PABPC4L: variants seen among roughly 807,000 people sequenced by gnomAD.
PABPC4L encodes the protein polyadenylate-binding protein 4-like.
For missense variants in PABPC4L, 452 were observed against 451.4 expected (o/e 1.00, Z -0.01); for synonymous variants, 169 against 164.1 (o/e 1.03, Z -0.23).
the PABPC4L span, among the ~76,000 whole-genome samples, chr4:133,968,328 A>G: frequency 6.6e-6 from 1 of 152,322 alleles, no homozygotes; most frequent in African/African-American, 2.4e-5. Context: ...ACAGACTGGG[A>G]AAAAACATCC....
At chr4:134,106,515 GATA>G in the PABPC4L span, among the ~76,000 whole-genome samples, 1 of 151,550 alleles carries the variant, frequency 6.6e-6, no homozygotes, top group East Asian at 1.9e-4. Context: ...GGAACAAAAA[GATA>G]ATGATATAAT....
chr4:134,052,629 A>T, the PABPC4L span, among the ~76,000 whole-genome samples: 2 of 152,002 alleles, frequency 1.3e-5, no homozygotes, highest in Non-Finnish European at 2.9e-5. Flanking sequence ...AAATATAGTA[A>T]AATGTGACCA....
chr4:134,107,414 T>G, the PABPC4L span, among the ~76,000 whole-genome samples: 37,358 of 151,396 alleles, frequency 0.25, 4,933 homozygotes, highest in Admixed American at 0.28. Context: ...GAAATATCAC[T>G]GTTTAATTTA....
At chr4:134,146,921 C>T in the PABPC4L span, among the ~76,000 whole-genome samples, 1 of 152,070 alleles carries the variant, frequency 6.6e-6, no homozygotes, top group African/African-American at 2.4e-5. Context: ...AGGCTTTAAA[C>T]TACCCTTGGC....
At chr4:134,161,421 T>TTA in the PABPC4L span, among the ~76,000 whole-genome samples, 1 of 152,002 alleles carries the variant, frequency 6.6e-6, no homozygotes, top group Non-Finnish European at 1.5e-5. Flanking sequence ...AGAATCCTAA[T>TTA]AGCAGAAGGA....
At chr4:134,171,656 T>C in the PABPC4L span, among the ~76,000 whole-genome samples, 2 of 152,058 alleles carry the variant, frequency 1.3e-5, no homozygotes, top group Non-Finnish European at 2.9e-5. Flanking sequence ...TACAGTACTA[T>C]AAGTCCTAGC....
At chr4:134,127,987 A>C in the PABPC4L span, among the ~76,000 whole-genome samples, 3 of 152,150 alleles carry the variant, frequency 2.0e-5, no homozygotes, top group African/African-American at 7.2e-5. Flanking sequence ...CTGGAAATCA[A>C]GGACACACTT....
the PABPC4L span, among the ~76,000 whole-genome samples, chr4:134,133,957 A>G: frequency 1.3e-5 from 2 of 152,070 alleles, no homozygotes; most frequent in Non-Finnish European, 2.9e-5. Context: ...TTGCTTAACC[A>G]TGTAAAAGAG....
chr4:134,186,887 T>C, the PABPC4L span, among the ~76,000 whole-genome samples: 1 of 152,092 alleles, frequency 6.6e-6, no homozygotes, highest in Admixed American at 6.6e-5. Flanking sequence ...GCAAAGGATA[T>C]GAACAGAAAC....
At chr4:134,005,957 T>C in the PABPC4L span, among the ~76,000 whole-genome samples, 1 of 151,918 alleles carries the variant, frequency 6.6e-6, no homozygotes, top group Non-Finnish European at 1.5e-5. Context: ...TCCAATCTTA[T>C]GGCTCCAATG....
the PABPC4L span, among the ~76,000 whole-genome samples, chr4:134,109,044 C>CA: frequency 1.1e-4 from 17 of 151,654 alleles, no homozygotes; most frequent in East Asian, 3.9e-4. Context: ...GTACCAAAAT[C>CA]AAAAAACTTT....
At chr4:133,970,009 T>C in the PABPC4L span, among the ~76,000 whole-genome samples, 6 of 149,820 alleles carry the variant, frequency 4.0e-5, no homozygotes, top group Admixed American at 1.3e-4. Context: ...CACACAACTT[T>C]CTTGTTAAAT....
chr4:134,200,985 A>AG lies in PABPC4L; in HGVS notation c.34dup (p.Leu12ProfsTer5), dbSNP rs1224990956. 1 of 1,552,680 alleles carries AG rather than the reference A, an allele frequency of 6.4e-7. No individual in the cohort carries two copies. ...ATCTGCATGTAAGTCACCCACATAC[A>AG]GGGAGGCCATGCGGTACTTGGCTGC... On this transcript the variant is annotated frameshift_variant, in exon 2 of 2. Coordinates refer to ENST00000421491, the MANE Select transcript of PABPC4L (RefSeq NM_001114734.2). LOFTEE classifies it low-confidence loss of function (END_TRUNC).
the PABPC4L span, among the ~76,000 whole-genome samples, chr4:134,013,109 C>T: frequency 6.6e-6 from 1 of 152,074 alleles, no homozygotes; most frequent in South Asian, 2.1e-4. Context: ...AGGCAAGAAC[C>T]CCAACCCCTT....
the PABPC4L span, among the ~76,000 whole-genome samples, chr4:134,044,259 T>TTTA: frequency 8.3e-4 from 126 of 151,098 alleles, no homozygotes; most frequent in African/African-American, 2.9e-3. Context: ...ATATTTTACT[T>TTTA]TTATTATTAT....
At chr4:133,995,114 C>T in the PABPC4L span, among the ~76,000 whole-genome samples, 1 of 152,168 alleles carries the variant, frequency 6.6e-6, no homozygotes, top group East Asian at 1.9e-4. Flanking sequence ...GGGGCCAGCC[C>T]CTCATGAAGT....
the PABPC4L span, among the ~76,000 whole-genome samples, chr4:134,042,344 G>T: frequency 6.6e-6 from 1 of 151,950 alleles, no homozygotes; most frequent in Non-Finnish European, 1.5e-5. Context: ...TGGATACAAC[G>T]GTCACTACTC....
At chr4:134,081,729 A>C in the PABPC4L span, among the ~76,000 whole-genome samples, 1 of 152,060 alleles carries the variant, frequency 6.6e-6, no homozygotes, top group Non-Finnish European at 1.5e-5. Flanking sequence ...AAAATGTAAA[A>C]AAAAGAAAAA....
chr4:134,099,983 C>T, the PABPC4L span, among the ~76,000 whole-genome samples: 1 of 151,644 alleles, frequency 6.6e-6, no homozygotes, highest in African/African-American at 2.4e-5. Context: ...GTATTATCCC[C>T]CATTTCTATC....
Sources: gnomAD v4.1 joint callset for allele counts (sites outside exome capture counted in the v4.1 genomes callset) on GRCh38, gnomAD v4.1.1 for gene constraint, MANE v1.5 for transcripts, NCBI Gene and HGNC (gene_info 2026-07-23, HGNC 2026-07-21) for gene names.